C1QTNF12: variants seen among roughly 807,000 people sequenced by gnomAD.
C1QTNF12 encodes adipolin.
In C1QTNF12, 39 loss-of-function variants were observed where a neutral mutation model predicts 34.3. The ratio of observed to expected loss-of-function variants is 1.14; its 90% CI spans 0.88 to 1.49. The LOEUF (loss-of-function observed/expected upper bound fraction) is 1.49. Ranked by LOEUF, C1QTNF12 falls within the 40% of genes most tolerant of loss-of-function variation. The pLI is 0.00. For missense variants in C1QTNF12, 497 were observed against 424.7 expected, an observed-to-expected ratio of 1.17 and a Z score of -1.50; for synonymous variants, 220 against 196.9, an observed-to-expected ratio of 1.12 and a Z score of -0.98.
Position 1,243,039 on chromosome 1 carries a change from G to A in C1QTNF12, c.731+23C>T, listed in dbSNP as rs772635809. 3.8e-5 allele frequency: 60 copies of A among 1,565,672 alleles called. 1 individual carries two copies. In the African/African-American group the frequency reaches 7.1e-4, roughly 18 times the overall value. On this transcript the variant is annotated intron_variant, in intron 6 of 7. Transcript: ENST00000330388. ...AGGGTGGTCCGGGGGCTGCCGCCTG[G>A]AGCGGGGGCTGAGGTCACTCACGTG...
Position 1,243,490 on chromosome 1 carries a change from CG to C in C1QTNF12, c.593del (p.Thr198ArgfsTer125). The C allele has an allele frequency of 1.3e-6, 2 of 1,560,398 alleles. No homozygotes were observed. Among genetic ancestry groups the C allele is most frequent in the Non-Finnish European group, 1.7e-6 (2 of 1,152,258 alleles). ...ACTGGAAGATGCCGGACACGGGGGC[CG>C]TGAACCGACCCGAGGCCAGGCTCAG... ...SGLSLASGRF[T>X]APVSGIFQFS... On this transcript the variant is annotated frameshift_variant, in exon 5 of 8. Transcript: ENST00000330388. LOFTEE classifies it high-confidence loss of function.
Position 1,244,376 on chromosome 1 carries a change from C to G in C1QTNF12, c.294+5G>C, listed in dbSNP as rs775753033. The G allele has an allele frequency of 6.2e-7, 1 of 1,610,540 alleles. No homozygotes were observed. The highest frequency in any genetic ancestry group is 8.5e-7 in the Non-Finnish European group (1 of 1,178,536). ...AGACCCTGCAGCAGCCCGGGCGGGGCTCACCGGCTTCTTGTCCCTGCTTCC... is the reference window on the plus strand; with the variant it reads ...AGACCCTGCAGCAGCCCGGGCGGGGGTCACCGGCTTCTTGTCCCTGCTTCC... On this transcript the variant is annotated splice_donor_5th_base_variant and intron_variant, in intron 2 of 7. Transcript: ENST00000330388.
In C1QTNF12 at chr1:1,244,027, G is replaced by A. The variant is rs760005407; in HGVS notation, c.458C>T (p.Ala153Val). ...GGGACCCTGCAGCCGGCAGTGAAAG[G>A]CCTCGCCCACCAGCCGCAGGCCCGC... ...QGAGLRLVGE[A>V]FHCRLQGPRR... The change falls in exon 4 of 8, where the codon GCC (alanine) becomes GTC (valine). Residue 153 changes from alanine to valine, a missense_variant. By Grantham distance (64) the Ala-to-Val change is moderately conservative. Transcript: ENST00000330388. 6.3e-7 allele frequency: 1 copy of A among 1,597,134 alleles called. No individual in the cohort carries two copies. The highest frequency in any genetic ancestry group is 2.3e-5 in the East Asian group (1 of 43,846).
chr1:1,246,785 G>A (rs1005208077), upstream of C1QTNF12: 25 of 918,722 alleles, frequency 2.7e-5, no homozygotes, highest in Non-Finnish European at 3.5e-5. This position sits in a 1 kb window ranked among gnomAD's most constrained non-coding sequence, Gnocchi z 4.5. Context: ...CGGGGGCGAG[G>A]CCCAGGGGCG....
chr1:1,246,717 G>T lies in C1QTNF12; in HGVS notation c.-27C>A, dbSNP rs1638902481. 1.6e-6 allele frequency: 2 copies of T among 1,215,158 alleles called. No homozygotes were observed. The highest frequency in any genetic ancestry group is 1.0e-6 in the Non-Finnish European group (1 of 977,156). 75.3% of individuals were successfully genotyped at this position (1,215,158 alleles called of 1,614,324 possible). A position where few individuals can be genotyped will look rare whatever the true frequency, so the allele number is the denominator to read the frequency against. ...GCTCCGTCCCGAGGCGGCTCAGCGC[G>T]GCGAGTCTCGGCGCCAGGGCGCAGT... On this transcript the variant is annotated 5_prime_UTR_variant, in exon 1 of 8. Coordinates refer to ENST00000330388, the MANE Select transcript of C1QTNF12 (RefSeq NM_001014980.3). This position sits in a 1 kb window ranked among gnomAD's most constrained non-coding sequence, Gnocchi z 4.5.
Position 1,246,573 on chromosome 1 carries a change from C to T in C1QTNF12, c.118G>A (p.Asp40Asn). Residue 40 changes from aspartate to asparagine, a missense_variant, in exon 1 of 8, where the codon GAT (aspartate) becomes AAT (asparagine). By Grantham distance (23) the Asp-to-Asn change is conservative (BLOSUM62 1). Transcript: ENST00000330388. This position sits in a 1 kb window ranked among gnomAD's most constrained non-coding sequence, Gnocchi z 4.5. The part of the protein sequence containing the change: ...QRTQQPGQRA[D>N]PPNATASASS... ...GCGCTGGCGGTGGCGTTGGGGGGAT[C>T]TGCGCGCTGGCCAGGCTGCTGCGTC... The T allele has an allele frequency of 8.0e-7, 1 of 1,246,098 alleles. No homozygotes were observed. Among genetic ancestry groups the T allele is most frequent in the South Asian group, 3.4e-5 (1 of 29,248 alleles). 77.2% of individuals were successfully genotyped at this position (1,246,098 alleles called of 1,614,324 possible). A position where few individuals can be genotyped will look rare whatever the true frequency, so the allele number is the denominator to read the frequency against.
chr1:1,245,278 A>C (rs778903511), intron 1 of C1QTNF12, among the ~76,000 whole-genome samples: 1 of 4,788 alleles, frequency 2.1e-4, no homozygotes. Flanking sequence ...TCCTCCCCCC[A>C]TTCCTCCCCC....
In C1QTNF12 at chr1:1,243,172, G is replaced by A. The variant is rs1638785852; in HGVS notation, c.641-20C>T. ...TGTGGTCTGCGGAGAGAGCCCTGGG[G>A]AGGGTGGTGCATGGGGGGCGGGGTG... On this transcript the variant is annotated intron_variant, in intron 5 of 7. Transcript: ENST00000330388. The A allele has an allele frequency of 6.9e-7, 1 of 1,455,924 alleles. No homozygotes were observed. The allele number at this position is 1,455,924 out of a possible 1,614,324, so 90.2% of individuals were successfully genotyped here.
At position 1,242,768 on chromosome 1, in the gene C1QTNF12, C is replaced by T; in HGVS notation, c.810+67G>A. 4 of 1,587,602 alleles carry T rather than the reference C, an allele frequency of 2.5e-6. No individual in the cohort carries two copies. The East Asian group carries it at 6.8e-5, about 27-fold the overall frequency. ...CCCAGAGGTCTGCGCCCTGAGTGCA[C>T]CGAGCTCACACCCGGCCCAGCCCGA... On this transcript the variant is annotated intron_variant, in intron 7 of 7. Coordinates refer to ENST00000330388, the MANE Select transcript of C1QTNF12 (RefSeq NM_001014980.3).
chr1:1,244,558 A>C, intron 1 of C1QTNF12, 61 bp from the exon 2 acceptor site: 1 of 1,309,754 alleles, frequency 7.6e-7, no homozygotes, highest in South Asian at 1.2e-5. Flanking sequence ...CTGGGACCCC[A>C]GGGCAGCGGG....
intron 4 of C1QTNF12, 79 bp from the exon 5 acceptor site, chr1:1,243,631 AACCGACAGCCCCTC>A: frequency 8.3e-7 from 1 of 1,198,054 alleles, no homozygotes; most frequent in Middle Eastern, 2.5e-4. Flanking sequence ...AGGTGCCTGC[AACCGACAGCCCCTC>A]ACTCGGAGCA....
intron 4 of C1QTNF12, 122 bp downstream of exon 4, chr1:1,243,832 C>G: frequency 1.5e-6 from 2 of 1,316,086 alleles, no homozygotes; most frequent in Non-Finnish European, 2.1e-6. Flanking sequence ...CCTCGCCCTC[C>G]GAGCCCCGCC....
In C1QTNF12 at chr1:1,244,191, C is replaced by T. The variant is rs755601087; in HGVS notation, c.379G>A (p.Glu127Lys). Residue 127 changes from glutamate (E) to lysine (K), a missense_variant and splice_region_variant, in exon 3 of 8, where the codon GAG becomes AAG. Glu to Lys is a moderately conservative substitution (Grantham distance 56). Coordinates refer to ENST00000330388, the MANE Select transcript of C1QTNF12 (RefSeq NM_001014980.3). The stretch of plus-strand genomic sequence containing the variant: ...CTCTGGGCAGTGCAGGGCGGCTGAC[C>T]TTTCAGCAGCTCCTGAAACTCGTGA... ...LLHEFQELLK[E>K]ATERRFSGLL... is the part of the protein sequence containing the mutation. The T allele has an allele frequency of 3.2e-6, 5 of 1,583,696 alleles. No homozygotes were observed. In the Admixed American group the frequency reaches 5.3e-5, roughly 17 times the overall value.
At chr1:1,246,762 C>G (rs1557537570), upstream of C1QTNF12, 1 of 1,133,522 alleles carries the variant, frequency 8.8e-7, no homozygotes, top group East Asian at 3.6e-5. The surrounding 1 kb of genome is among the most constrained non-coding windows in gnomAD (Gnocchi z 4.5). Flanking sequence ...GGCCGGCGCT[C>G]AGAGCCCCCG....
At position 1,242,814 on chromosome 1, in the gene C1QTNF12, T is replaced by C; in HGVS notation, c.810+21A>G. 1.2e-6 allele frequency: 2 copies of C among 1,611,548 alleles called. 1 individual carries two copies. Among genetic ancestry groups the C allele is most frequent in the South Asian group, 2.2e-5 (2 of 91,028 alleles). On this transcript the variant is annotated intron_variant, in intron 7 of 7. Coordinates refer to ENST00000330388, the MANE Select transcript of C1QTNF12 (RefSeq NM_001014980.3). Reference sequence around the variant, plus strand: ...CCCGAGTGCACCCGAGCCCTCCCGCTCACACCCGGCCCGGACTCACCTGCA... The same window carrying C: ...CCCGAGTGCACCCGAGCCCTCCCGCCCACACCCGGCCCGGACTCACCTGCA...
In C1QTNF12 at chr1:1,243,980, G is replaced by GCGTC; in HGVS notation, c.501_504dup (p.Leu169AspfsTer50). 1 of 1,609,610 alleles carries GCGTC rather than the reference G, an allele frequency of 6.2e-7. No individual in the cohort carries two copies. The stretch of plus-strand genomic sequence containing the variant: ...GCCTGGAAACCATGCAGCTCCACCA[G>GCGTC]CGTCCGCTTGTCCACCCGGCGGGGA... On this transcript the variant is annotated frameshift_variant, in exon 4 of 8. Transcript: ENST00000330388. LOFTEE classifies it high-confidence loss of function.
intron 7 of C1QTNF12, 77 bp downstream of exon 7, chr1:1,242,758 C>T: frequency 1.3e-6 from 2 of 1,575,438 alleles, no homozygotes; most frequent in South Asian, 1.1e-5. Context: ...AGGTCTGCGC[C>T]CTGAGTGCAC....
At chr1:1,242,975 C>A in intron 6 of C1QTNF12, 62 bp from the exon 7 acceptor site, 1 of 1,572,070 alleles carries the variant, frequency 6.4e-7, no homozygotes, top group East Asian at 2.4e-5. Context: ...AAGACCTGCT[C>A]CAGTGCCCAG....
intron 5 of C1QTNF12, 104 bp from the exon 6 acceptor site, chr1:1,243,256 C>T: frequency 9.3e-7 from 1 of 1,076,636 alleles, no homozygotes; most frequent in Non-Finnish European, 1.3e-6. Context: ...GGAGTGGCTG[C>T]TGGGGCTGGG....
Sources: allele counts gnomAD v4.1 joint callset (sites outside exome capture counted in the v4.1 genomes callset), GRCh38; gene constraint gnomAD v4.1.1; non-coding constraint Gnocchi (gnomAD v3.1); transcripts MANE v1.5; gene names NCBI Gene and HGNC (gene_info 2026-07-23, HGNC 2026-07-21).